MSI2: variants seen among roughly 807,000 people sequenced by gnomAD.
MSI2 encodes the protein musashi RNA binding protein 2, also known as RNA-binding protein Musashi homolog 2.
A neutral mutation model predicts 45.6 loss-of-function variants in MSI2; 17 were observed. That is an observed-to-expected ratio of 0.37 (90% CI 0.26 to 0.56). The LOEUF (loss-of-function observed/expected upper bound fraction) is 0.56. Ranked by LOEUF, MSI2 falls within the 20% of genes least tolerant of loss-of-function variation. The probability of loss-of-function intolerance (pLI) is 0.77; values close to 1 mark genes in which losing one functional copy is unlikely to be tolerated. For synonymous variants in MSI2, 156 were observed against 158.2 expected, an observed-to-expected ratio of 0.99 and a Z score of 0.11; for missense variants, 293 against 444.2, an observed-to-expected ratio of 0.66 and a Z score of 3.06.
chr17:57,440,413 CGTGTGTGTGTGTGTGTGTGT>C (rs71139995), intron 6 of MSI2, among the ~76,000 whole-genome samples: 37 of 104,594 alleles, frequency 3.5e-4, no homozygotes, highest in South Asian at 1.3e-3. Flanking sequence ...GTTTGTTATC[CGTGTGTGTGTGTGTGTGTGT>C]GTGTGTGTGT....
At chr17:57,548,967 A>T (rs957507745) in intron 7 of MSI2, among the ~76,000 whole-genome samples, 7 of 134,300 alleles carry the variant, frequency 5.2e-5, no homozygotes, top group Non-Finnish European at 7.6e-5. Context: ...TACAGTGGTT[A>T]TTCTCACAAG....
At chr17:57,497,801 C>G (rs1054507479) in intron 6 of MSI2, among the ~76,000 whole-genome samples, 2 of 152,190 alleles carry the variant, frequency 1.3e-5, no homozygotes, top group Non-Finnish European at 2.9e-5. Flanking sequence ...TTGGGGGCCG[C>G]TGCACTGTCC....
chr17:57,674,497 G>A lies in MSI2; in HGVS notation c.791-475G>A, dbSNP rs1218120655. Among the ~76,000 whole-genome samples the A allele has an allele frequency of 2.6e-5, 4 of 151,678 alleles. No homozygotes were observed. In the East Asian group the frequency reaches 5.8e-4, roughly 22 times the overall value. On this transcript the variant is annotated intron_variant, in intron 11 of 13. Coordinates refer to ENST00000284073, the MANE Select transcript of MSI2 (RefSeq NM_138962.4). ...TTTAATATCAATATTAACACAATGT[G>A]TAGTCTAAAACTAGTTCCTTTGTAG...
At chr17:57,363,556 G>A (rs1179816312) in intron 5 of MSI2, among the ~76,000 whole-genome samples, 2 of 152,160 alleles carry the variant, frequency 1.3e-5, no homozygotes, top group African/African-American at 4.8e-5. Flanking sequence ...TGGCCAACAC[G>A]GAGAAACCCT....
chr17:57,492,334 A>G (rs973767805), intron 6 of MSI2, among the ~76,000 whole-genome samples: 17 of 152,332 alleles, frequency 1.1e-4, no homozygotes, highest in Middle Eastern at 3.4e-3. Context: ...TCACTGTGGC[A>G]TTACTATATT....
intron 5 of MSI2, among the ~76,000 whole-genome samples, chr17:57,379,990 TA>T (rs1219370936): frequency 6.6e-6 from 1 of 152,180 alleles, no homozygotes; most frequent in Admixed American, 6.5e-5. Flanking sequence ...GCATGTTAGA[TA>T]AAGGCTCTTG....
At chr17:57,640,348 G>A (rs998086516) in intron 10 of MSI2, among the ~76,000 whole-genome samples, 1 of 152,156 alleles carries the variant, frequency 6.6e-6, no homozygotes, top group African/African-American at 2.4e-5. Context: ...ACTCACAAGC[G>A]AATTATCAAT....
intron 6 of MSI2, among the ~76,000 whole-genome samples, chr17:57,402,916 C>G (rs1197782087): frequency 6.6e-6 from 1 of 152,198 alleles, no homozygotes; most frequent in Non-Finnish European, 1.5e-5. Context: ...TAGCACTTCT[C>G]TCTTCCAGAC....
intron 7 of MSI2, among the ~76,000 whole-genome samples, chr17:57,591,743 A>C (rs1379231074): frequency 6.6e-6 from 1 of 152,036 alleles, no homozygotes; most frequent in Non-Finnish European, 1.5e-5. Context: ...AAAAAAAAAA[A>C]AAAGGAAAAT....
intron 7 of MSI2, among the ~76,000 whole-genome samples, chr17:57,582,995 A>G (rs1488705308): frequency 6.6e-6 from 1 of 152,212 alleles, no homozygotes; most frequent in Non-Finnish European, 1.5e-5. Flanking sequence ...TTCTGTTGAA[A>G]ATCAGGTTCT....
chr17:57,691,200 C>CTCTCATCTATCT, the MSI2 span, among the ~76,000 whole-genome samples: 191 of 140,308 alleles, frequency 1.4e-3, 1 homozygote, highest in Middle Eastern at 3.5e-3. Flanking sequence ...CTCTCTCTCT[C>CTCTCATCTATCT]ATCTATCTAT....
intron 5 of MSI2, among the ~76,000 whole-genome samples, chr17:57,365,923 T>A (rs1328672903): frequency 1.3e-5 from 2 of 151,956 alleles, no homozygotes; most frequent in Non-Finnish European, 2.9e-5. Context: ...ATGTTGACTA[T>A]TTTTTTTGAG....
At chr17:57,438,800 A>ATTTTTT (rs374684092) in intron 6 of MSI2, among the ~76,000 whole-genome samples, 11 of 145,018 alleles carry the variant, frequency 7.6e-5, no homozygotes, top group African/African-American at 1.8e-4. Context: ...TCCCATAGGA[A>ATTTTTT]TTTTTTTTTT....
intron 12 of MSI2, among the ~76,000 whole-genome samples, chr17:57,676,758 G>C (rs1913264150): frequency 6.6e-6 from 1 of 152,200 alleles, no homozygotes; most frequent in South Asian, 2.1e-4. Context: ...CTGGCTTTTG[G>C]TTTCCCCCGG....
intron 5 of MSI2, among the ~76,000 whole-genome samples, chr17:57,290,169 T>C (rs1023893124): frequency 6.6e-6 from 1 of 152,198 alleles, no homozygotes; most frequent in African/African-American, 2.4e-5. Flanking sequence ...ATCTATAACA[T>C]GGGGATGAGA....
intron 10 of MSI2, among the ~76,000 whole-genome samples, chr17:57,645,723 T>A (rs940960894): frequency 2.6e-5 from 4 of 152,128 alleles, no homozygotes; most frequent in East Asian, 1.9e-4. Flanking sequence ...ACACCACACC[T>A]GGCCCTGGGA....
chr17:57,561,890 G>A (rs1482793755), intron 7 of MSI2, among the ~76,000 whole-genome samples: 1 of 152,140 alleles, frequency 6.6e-6, no homozygotes, highest in Non-Finnish European at 1.5e-5. Context: ...GAGAGGATTG[G>A]TTCAGACGTT....
At chr17:57,365,045 CCTGT>C (rs1917094448) in intron 5 of MSI2, 1 of 152,258 alleles carries the variant, frequency 6.6e-6, no homozygotes, top group African/African-American at 2.4e-5. Flanking sequence ...GAACTTGCTT[CCTGT>C]CTGTTAATAG....
At chr17:57,491,516 A>T (rs1335406200) in intron 6 of MSI2, among the ~76,000 whole-genome samples, 7 of 152,170 alleles carry the variant, frequency 4.6e-5, no homozygotes, top group Non-Finnish European at 8.8e-5. Context: ...GGATAAATGG[A>T]ATATAGACAT....
Sources: allele counts gnomAD v4.1 joint callset (sites outside exome capture counted in the v4.1 genomes callset), GRCh38; gene constraint gnomAD v4.1.1; transcripts MANE v1.5; gene names NCBI Gene and HGNC (gene_info 2026-07-23, HGNC 2026-07-21).